The following MPPED2 variants were observed in gnomAD, a reference collection of about 807,000 sequenced individuals.
The protein encoded by MPPED2 is metallophosphoesterase MPPED2.
Under a neutral mutation model 33.0 loss-of-function variants are expected in MPPED2, and 5 were observed. The ratio of observed to expected loss-of-function variants is 0.15; its 90% CI spans 0.08 to 0.32. The LOEUF is 0.32. MPPED2 is among the 10% of genes least tolerant of loss of function. The probability of loss-of-function intolerance (pLI) is 1.00; values close to 1 mark genes in which losing one functional copy is unlikely to be tolerated. For missense variants in MPPED2, 275 were observed against 372.1 expected (o/e 0.74, Z 2.15); for synonymous variants, 136 against 141.9 (o/e 0.96, Z 0.29).
chr11:30,487,652 A>T (rs7104055), intron 4 of MPPED2, among the ~76,000 whole-genome samples: 11,787 of 151,820 alleles, frequency 0.078, 1,469 homozygotes, highest in African/African-American at 0.26. Flanking sequence ...TAATTTTTTA[A>T]TTTTGTAGAG....
At chr11:30,440,835 T>C (rs1949539501) in intron 4 of MPPED2, among the ~76,000 whole-genome samples, 1 of 152,202 alleles carries the variant, frequency 6.6e-6, no homozygotes, top group African/African-American at 2.4e-5. Flanking sequence ...ACCACAATGA[T>C]GCATGCAGAG....
At chr11:30,408,343 C>A (rs950162061), downstream of MPPED2, among the ~76,000 whole-genome samples, 2 of 152,138 alleles carry the variant, frequency 1.3e-5, no homozygotes, top group African/African-American at 2.4e-5. Flanking sequence ...CAGAGTTTTG[C>A]TCATCTCCCA....
Position 30,553,490 on chromosome 11 carries a change from T to C in MPPED2, c.129-17315A>G, listed in dbSNP as rs571485888. ...TAAGTTGCATTTGCATTTCTTATGG[T>C]TCAAACAAACAAACAACAAACACGA... On this transcript the variant is annotated intron_variant, in intron 2 of 6. Transcript: ENST00000358117. Among the ~76,000 whole-genome samples, 4 of 152,338 alleles carry C rather than the reference T, an allele frequency of 2.6e-5. No homozygotes were observed. In the East Asian group the frequency reaches 7.7e-4, roughly 29 times the overall value.
intron 4 of MPPED2, among the ~76,000 whole-genome samples, chr11:30,460,583 A>G (rs1950480669): frequency 6.6e-6 from 1 of 152,202 alleles, no homozygotes; most frequent in African/African-American, 2.4e-5. Flanking sequence ...TGATAGTGCC[A>G]CTGCACTCCA....
chr11:30,565,103 G>A (rs555358633), intron 2 of MPPED2, among the ~76,000 whole-genome samples: 2 of 152,128 alleles, frequency 1.3e-5, no homozygotes, highest in East Asian at 1.9e-4. Context: ...GTGGAACTCC[G>A]TGCAGCCTGT....
chr11:30,486,140 C>T (rs1291030078), intron 4 of MPPED2, among the ~76,000 whole-genome samples: 3 of 152,092 alleles, frequency 2.0e-5, no homozygotes, highest in African/African-American at 7.2e-5. Flanking sequence ...GTGTGGTTAC[C>T]TAAACTAACT....
intron 4 of MPPED2, among the ~76,000 whole-genome samples, chr11:30,427,521 T>C (rs1590222522): frequency 6.6e-6 from 1 of 152,234 alleles, no homozygotes; most frequent in Admixed American, 6.5e-5. Context: ...AAACATAAGG[T>C]CAATTGGAAA....
intron 4 of MPPED2, among the ~76,000 whole-genome samples, chr11:30,460,782 G>A (rs984117076): frequency 2.0e-5 from 3 of 152,188 alleles, no homozygotes; most frequent in African/African-American, 7.2e-5. Flanking sequence ...TGGTGGGAAT[G>A]TAAAATAGGG....
intron 3 of MPPED2, among the ~76,000 whole-genome samples, chr11:30,519,078 C>T (rs1358028937): frequency 2.0e-5 from 3 of 151,640 alleles, no homozygotes; most frequent in African/African-American, 4.9e-5. Flanking sequence ...GCCAGGAGTT[C>T]GAGACCAGCC....
In MPPED2 at chr11:30,411,252, T is replaced by C; in HGVS notation, c.*216A>G. 8.4e-7 allele frequency: 1 copy of C among 1,189,244 alleles called. No homozygotes were observed. Among genetic ancestry groups the C allele is most frequent in the Non-Finnish European group, 1.0e-6 (1 of 957,318 alleles). 73.7% of individuals were successfully genotyped at this position (1,189,244 alleles called of 1,614,324 possible). Reference sequence around the variant, plus strand: ...GGCATGGCCTTTGAGAAAACAGAAGTCATTTTACAAATTCACAATGTTCCT... The same window carrying C: ...GGCATGGCCTTTGAGAAAACAGAAGCCATTTTACAAATTCACAATGTTCCT... On this transcript the variant is annotated 3_prime_UTR_variant, in exon 7 of 7. Coordinates refer to ENST00000358117, the MANE Select transcript of MPPED2 (RefSeq NM_001584.3).
At chr11:30,450,538 TG>T (rs1565079348) in intron 4 of MPPED2, among the ~76,000 whole-genome samples, 1 of 152,238 alleles carries the variant, frequency 6.6e-6, no homozygotes, top group Admixed American at 6.5e-5. Flanking sequence ...ATTGAGCAAA[TG>T]GGGGAACTGG....
intron 3 of MPPED2, among the ~76,000 whole-genome samples, chr11:30,527,407 G>A (rs1954258290): frequency 6.6e-6 from 1 of 151,464 alleles, no homozygotes. Flanking sequence ...TGGTAACCTG[G>A]TGAATAAAGC....
intron 4 of MPPED2, among the ~76,000 whole-genome samples, chr11:30,465,431 G>A (rs1402984228): frequency 6.6e-6 from 1 of 152,110 alleles, no homozygotes; most frequent in Non-Finnish European, 1.5e-5. Context: ...GGGATTACAG[G>A]CCCACGGCAT....
At chr11:30,550,489 G>A (rs1295192057) in intron 2 of MPPED2, among the ~76,000 whole-genome samples, 1 of 152,196 alleles carries the variant, frequency 6.6e-6, no homozygotes, top group Non-Finnish European at 1.5e-5. Flanking sequence ...TTTGATGGGA[G>A]TTTACCACAG....
chr11:30,559,363 T>A (rs1472260928), intron 2 of MPPED2, among the ~76,000 whole-genome samples: 1 of 152,344 alleles, frequency 6.6e-6, no homozygotes, highest in Non-Finnish European at 1.5e-5. Context: ...TTTAAATTCT[T>A]ATGACTTCAT....
chr11:30,552,908 T>A (rs1379944500), intron 2 of MPPED2, among the ~76,000 whole-genome samples: 1 of 152,176 alleles, frequency 6.6e-6, no homozygotes, highest in Admixed American at 6.6e-5. Context: ...GTCCTACTCT[T>A]CAAATGCCAA....
Position 30,461,395 on chromosome 11 carries a change from T to TA in MPPED2, c.536+33900dup, listed in dbSNP as rs201164321. ...TTTTATGTTATGTATATTTTACCAATAAAAAAATGAAAAGAATATATTAGG... is the reference window on the plus strand; with the variant it reads ...TTTTATGTTATGTATATTTTACCAATAAAAAAAATGAAAAGAATATATTAGG... On this transcript the variant is annotated intron_variant, in intron 4 of 6. Transcript: ENST00000358117. Among the ~76,000 whole-genome samples, 1,132 of 152,152 alleles carry TA rather than the reference T, an allele frequency of 7.4e-3. 23 individuals are homozygous for TA. Among genetic ancestry groups the TA allele is most frequent in the African/African-American group, 0.026 (1,067 of 41,510 alleles).
chr11:30,422,275 CCCT>C (rs2133796734), intron 4 of MPPED2, among the ~76,000 whole-genome samples: 1 of 152,276 alleles, frequency 6.6e-6, no homozygotes, highest in South Asian at 2.1e-4. Context: ...TCACTCAGCT[CCCT>C]CCTCCTTTCC....
At chr11:30,454,256 T>A (rs201545460) in intron 4 of MPPED2, among the ~76,000 whole-genome samples, 3 of 152,156 alleles carry the variant, frequency 2.0e-5, no homozygotes, top group East Asian at 1.9e-4. Flanking sequence ...ATTTAACTAG[T>A]AGGACATTTT....
Sources: gnomAD v4.1 joint callset for allele counts (sites outside exome capture counted in the v4.1 genomes callset) on GRCh38, gnomAD v4.1.1 for gene constraint, MANE v1.5 for transcripts, NCBI Gene and HGNC (gene_info 2026-07-23, HGNC 2026-07-21) for gene names.